The following RBM28 variants were observed in gnomAD, a reference collection of about 807,000 sequenced individuals.
RBM28 encodes RNA-binding protein 28.
Under a neutral mutation model 98.3 loss-of-function variants are expected in RBM28, and 78 were observed. The ratio of observed to expected loss-of-function variants is 0.79; its 90% CI spans 0.66 to 0.96. The LOEUF is 0.96. Among genes scored for constraint, RBM28 ranks in the 40% least tolerant of loss-of-function variants. The pLI, the probability that RBM28 is intolerant of heterozygous loss-of-function variation, is 0.00. For synonymous variants in RBM28, 306 were observed against 330.9 expected, an observed-to-expected ratio of 0.92 and a Z score of 0.82; for missense variants, 838 against 913.0, an observed-to-expected ratio of 0.92 and a Z score of 1.06.
intron 16 of RBM28, among the ~76,000 whole-genome samples, chr7:128,316,405 A>C (rs1174817914): frequency 6.6e-6 from 1 of 152,202 alleles, no homozygotes; most frequent in Non-Finnish European, 1.5e-5. Flanking sequence ...AAATAAAGTA[A>C]TTTGGATGTT....
Position 128,343,670 on chromosome 7 carries a change from C to A in RBM28, c.118+6G>T. 1.2e-6 allele frequency: 2 copies of A among 1,602,162 alleles called. No homozygotes were observed. Among genetic ancestry groups the A allele is most frequent in the Non-Finnish European group, 1.7e-6 (2 of 1,173,136 alleles). On this transcript the variant is annotated splice_donor_region_variant and intron_variant, in intron 1 of 18. Transcript: ENST00000223073. Reference sequence around the variant, plus strand: ...CCAGCCCTATCCTCGACCGCCCCGCCCCTACCTTTTTCAGTCACCACGAAG... The same window carrying A: ...CCAGCCCTATCCTCGACCGCCCCGCACCTACCTTTTTCAGTCACCACGAAG...
intron 8 of RBM28, among the ~76,000 whole-genome samples, chr7:128,334,411 T>C (rs1287080878): frequency 6.6e-6 from 1 of 152,240 alleles, no homozygotes; most frequent in Non-Finnish European, 1.5e-5. Flanking sequence ...ATACAGGATC[T>C]CAGAGTCCCT....
intron 10 of RBM28, among the ~76,000 whole-genome samples, chr7:128,327,552 G>A (rs1796381065): frequency 6.6e-6 from 1 of 151,872 alleles, no homozygotes; most frequent in Non-Finnish European, 1.5e-5. Context: ...CCAGGCTGGA[G>A]TCTAATGGCT....
intron 16 of RBM28, among the ~76,000 whole-genome samples, chr7:128,316,351 C>A (rs567317344): frequency 1.3e-5 from 2 of 152,286 alleles, no homozygotes; most frequent in Non-Finnish European, 2.9e-5. Flanking sequence ...TGAGTAGAGG[C>A]ATTTTTACAC....
At position 128,314,388 on chromosome 7, in the gene RBM28, C is replaced by T. The variant is rs1181830118; in HGVS notation, c.2045+376G>A. Among the ~76,000 whole-genome samples, 3 of 152,188 alleles carry T rather than the reference C, an allele frequency of 2.0e-5. No individual in the cohort carries two copies. The South Asian group carries it at 6.2e-4, about 32-fold the overall frequency. On this transcript the variant is annotated intron_variant, in intron 17 of 18. Transcript: ENST00000223073. ...TAAAACCCCATGGATATCTCAAAAACCTTCATTTATTTAACAAATATTTTG... is the reference window on the plus strand; with the variant it reads ...TAAAACCCCATGGATATCTCAAAAATCTTCATTTATTTAACAAATATTTTG...
In RBM28 at chr7:128,339,717, T is replaced by A. The variant is rs1245385243; in HGVS notation, c.193A>T (p.Ile65Phe). 1.2e-6 allele frequency: 2 copies of A among 1,613,762 alleles called. No homozygotes were observed. Among genetic ancestry groups the A allele is most frequent in the Non-Finnish European group, 8.5e-7 (1 of 1,179,780 alleles). Reference sequence around the variant, plus strand: ...ATCTTGCAACCTTCAAAGGTGGTAATCTCCTTGAGGGCCCTCTGAACATCT... The same window carrying A: ...ATCTTGCAACCTTCAAAGGTGGTAAACTCCTTGAGGGCCCTCTGAACATCT... ...LEDVQRALKEITTFEGCKINV... is the reference protein window; with the variant it reads ...LEDVQRALKEFTTFEGCKINV... Residue 65 changes from isoleucine (I) to phenylalanine (F), a missense_variant, in exon 2 of 19, where the codon ATT becomes TTT. Transcript: ENST00000223073.
chr7:128,332,684 A>G lies in RBM28; in HGVS notation c.1019+606T>C, dbSNP rs186992586. Among the ~76,000 whole-genome samples the G allele has an allele frequency of 1.6e-3, 245 of 152,264 alleles. 2 individuals carry two copies. The highest frequency in any genetic ancestry group is 5.6e-3 in the African/African-American group (234 of 41,546). On this transcript the variant is annotated intron_variant, in intron 9 of 18. Coordinates refer to ENST00000223073, the MANE Select transcript of RBM28 (RefSeq NM_018077.3). The stretch of plus-strand genomic sequence containing the variant: ...TCTAAAAGATTGTACAAGAAGATAA[A>G]ATATATAACTCTAAAATCGGATGCA...
intron 12 of RBM28, 138 bp downstream of exon 12, chr7:128,324,421 G>A (rs1489168290): frequency 1.6e-6 from 2 of 1,237,826 alleles, no homozygotes; most frequent in African/African-American, 1.5e-5. Context: ...TTATTAAAGT[G>A]GAATGATCAT....
At position 128,343,745 on chromosome 7, in the gene RBM28, T is replaced by C. The variant is rs1464250310; in HGVS notation, c.49A>G (p.Ser17Gly). Residue 17 changes from serine (S) to glycine (G), a missense_variant, in exon 1 of 19, where the codon AGT becomes GGT. Ser to Gly is a moderately conservative substitution (Grantham distance 56, BLOSUM62 0). Coordinates refer to ENST00000223073, the MANE Select transcript of RBM28 (RefSeq NM_018077.3). ...CTGAACAGTTCCTCCAGCTGCTCAC[T>C]GCGGGCCGAGGGCGGGAGGCGGCCC... The part of the protein sequence containing the change: ...FVGRLPPSAR[S>G]EQLEELFSQV... 1.9e-6 allele frequency: 3 copies of C among 1,610,562 alleles called. No individual in the cohort carries two copies. The highest frequency in any genetic ancestry group is 4.5e-5 in the East Asian group (2 of 44,466).
intron 13 of RBM28, among the ~76,000 whole-genome samples, chr7:128,321,886 A>G (rs1377206304): frequency 6.6e-6 from 1 of 152,104 alleles, no homozygotes; most frequent in Admixed American, 6.5e-5. Context: ...TGTCTCTACT[A>G]AAAATACAAA....
chr7:128,329,169 G>A (rs759479413), intron 10 of RBM28, among the ~76,000 whole-genome samples: 11 of 151,932 alleles, frequency 7.2e-5, no homozygotes, highest in Middle Eastern at 3.2e-3. Context: ...GCACGATCTC[G>A]GCTCACCACA....
chr7:128,341,394 A>C (rs191759080), intron 1 of RBM28, among the ~76,000 whole-genome samples: 2 of 152,386 alleles, frequency 1.3e-5, no homozygotes, highest in Non-Finnish European at 2.9e-5. Flanking sequence ...ATGAAAGGAC[A>C]TACAGTAAAT....
chr7:128,315,261 G>T (rs752597109), intron 16 of RBM28, among the ~76,000 whole-genome samples: 1 of 152,190 alleles, frequency 6.6e-6, no homozygotes. Context: ...ATAAGGGAGA[G>T]TGCATGCCCA....
rs376659544 is a variant in RBM28 at position 128,321,372 on chromosome 7, C to T, written c.1457G>A (p.Arg486Gln). ...KLKDQNIFVS[R>Q]TRLCLHNLPK... ...GAGATTGTGCAGGCAGAGCCTGGTT[C>T]GGGAGACAAAGATATTCTGGTCCTT... Residue 486 changes from arginine (R) to glutamine (Q), a missense_variant, in exon 14 of 19, where the codon CGA becomes CAA. Coordinates refer to ENST00000223073, the MANE Select transcript of RBM28 (RefSeq NM_018077.3). 1.9e-5 allele frequency: 30 copies of T among 1,614,010 alleles called. No individual in the cohort carries two copies. The highest frequency in any genetic ancestry group is 4.0e-5 in the African/African-American group (3 of 74,910).
intron 14 of RBM28, among the ~76,000 whole-genome samples, chr7:128,319,144 A>G (rs1357892517): frequency 6.6e-6 from 1 of 152,142 alleles, no homozygotes; most frequent in Non-Finnish European, 1.5e-5. Context: ...GGAAACAGCT[A>G]AGTATTGGGG....
At chr7:128,343,155 G>A (rs1014254180) in intron 1 of RBM28, among the ~76,000 whole-genome samples, 1 of 152,140 alleles carries the variant, frequency 6.6e-6, no homozygotes, top group Non-Finnish European at 1.5e-5. Flanking sequence ...GCACACAGTA[G>A]GTATTAAGTA....
At chr7:128,334,389 G>A (rs1031559901) in intron 8 of RBM28, among the ~76,000 whole-genome samples, 2 of 152,198 alleles carry the variant, frequency 1.3e-5, no homozygotes, top group Non-Finnish European at 2.9e-5. Flanking sequence ...ACAGCTGACT[G>A]TGGGTTGTAG....
Position 128,299,055 on chromosome 7 carries a change from T to C in RBM28, c.*11742A>G, listed in dbSNP as rs536145592. 7 of 148,820 alleles carry C rather than the reference T, an allele frequency of 4.7e-5. No homozygotes were observed. The South Asian group carries it at 1.5e-3, about 32-fold the overall frequency. The allele number at this position is 148,820 out of a possible 1,614,324, so 9.2% of individuals were successfully genotyped here. ...TGTACCCATATTTGTTTTCATCAGG[T>C]ATGGTAAGATGACAGACACAGAGAA... On this transcript the variant is annotated 3_prime_UTR_variant, in exon 19 of 19. Coordinates refer to ENST00000223073, the MANE Select transcript of RBM28 (RefSeq NM_018077.3).
rs1554401238 is a variant in RBM28 at position 128,320,416 on chromosome 7, A to AAAAAGAAAG, written c.1563+849_1563+850insCTTTCTTTT. ...GAGCAAGACCACATCTAAAAAAAAA[A>AAAAAGAAAG]AAAGAAAGGAAGAAAAGAAAAAAAA... On this transcript the variant is annotated intron_variant, in intron 14 of 18. Transcript: ENST00000223073. 8.1e-5 allele frequency among the ~76,000 whole-genome samples: 12 copies of AAAAAGAAAG among 148,292 alleles called. 1 individual carries two copies. Among genetic ancestry groups the AAAAAGAAAG allele is most frequent in the African/African-American group, 2.6e-4 (10 of 38,942 alleles).
Sources: allele counts gnomAD v4.1 joint callset (sites outside exome capture counted in the v4.1 genomes callset), GRCh38; gene constraint gnomAD v4.1.1; transcripts MANE v1.5; gene names NCBI Gene and HGNC (gene_info 2026-07-23, HGNC 2026-07-21).